Variants in RBMS2 observed in about 807,000 individuals in gnomAD.
The protein encoded by RBMS2 is RNA binding motif single stranded interacting protein 2.
Under a neutral mutation model 58.4 loss-of-function variants are expected in RBMS2, and 38 were observed. That is an observed-to-expected ratio of 0.65 (90% CI 0.50 to 0.85). RBMS2 has a LOEUF of 0.85. Ranked by LOEUF, RBMS2 falls within the 40% of genes least tolerant of loss-of-function variation. The pLI is 0.00. For missense variants in RBMS2, 367 were observed against 503.7 expected (o/e 0.73, Z 2.60); for synonymous variants, 151 against 180.7 (o/e 0.84, Z 1.32).
intron 1 of RBMS2, among the ~76,000 whole-genome samples, chr12:56,535,664 T>A (rs1874655260): frequency 6.6e-6 from 1 of 152,080 alleles, no homozygotes; most frequent in Non-Finnish European, 1.5e-5. Flanking sequence ...TTATTAGACA[T>A]TTCAAACTTA....
chr12:56,558,333 AC>A (rs760303025), intron 1 of RBMS2, among the ~76,000 whole-genome samples: 30 of 147,494 alleles, frequency 2.0e-4, no homozygotes, highest in Admixed American at 2.8e-4. Context: ...GGCGTGAGCC[AC>A]CAGCTGCCTC....
chr12:56,565,173 T>C (rs971052793), intron 2 of RBMS2, among the ~76,000 whole-genome samples: 4 of 152,144 alleles, frequency 2.6e-5, no homozygotes, highest in Admixed American at 6.6e-5. Context: ...TAGGGAATAA[T>C]GACAAGAAAA....
At chr12:56,557,057 A>T (rs969605713) in intron 1 of RBMS2, among the ~76,000 whole-genome samples, 1 of 152,002 alleles carries the variant, frequency 6.6e-6, no homozygotes, top group African/African-American at 2.4e-5. Flanking sequence ...CTCTCTATCA[A>T]TTTGGAAATA....
intron 1 of RBMS2, among the ~76,000 whole-genome samples, chr12:56,545,267 G>C (rs1478585588): frequency 6.6e-6 from 1 of 152,132 alleles, no homozygotes; most frequent in Non-Finnish European, 1.5e-5. Flanking sequence ...TGGCTGAGTA[G>C]TATTCCATGG....
intron 1 of RBMS2, among the ~76,000 whole-genome samples, chr12:56,552,725 C>T (rs1194502494): frequency 6.6e-6 from 1 of 151,676 alleles, no homozygotes; most frequent in Non-Finnish European, 1.5e-5. Flanking sequence ...GCCTGTAGTC[C>T]CAGCTACTCG....
In RBMS2 at chr12:56,596,000, T is replaced by G. The variant is rs1885769964; in HGVS notation, c.*6867T>G. ...TTTCTACAGCTGCACTTGTGGAACA[T>G]CACATGGCAAAAACAGGAGTTTTTT... On this transcript the variant is annotated 3_prime_UTR_variant, in exon 14 of 14. Coordinates refer to ENST00000262031, the MANE Select transcript of RBMS2 (RefSeq NM_002898.4). 1 of 152,716 alleles carries G rather than the reference T, an allele frequency of 6.5e-6. No individual in the cohort carries two copies. The highest frequency in any genetic ancestry group is 6.5e-5 in the Admixed American group (1 of 15,284). The allele number at this position is 152,716 out of a possible 1,614,324, so 9.5% of individuals were successfully genotyped here. A position where few individuals can be genotyped will look rare whatever the true frequency, so the allele number is the denominator to read the frequency against.
rs553574694 is a variant in RBMS2, at chr12:56,596,147, A to G, written c.*7014A>G. The G allele has an allele frequency of 2.0e-5, 3 of 152,732 alleles. No homozygotes were observed. Among genetic ancestry groups the G allele is most frequent in the Non-Finnish European group, 4.4e-5 (3 of 68,054 alleles). The allele number at this position is 152,732 out of a possible 1,614,324, so 9.5% of individuals were successfully genotyped here. A position where few individuals can be genotyped will look rare whatever the true frequency, so the allele number is the denominator to read the frequency against. ...TATCAAAAAGTCACTAAAACACCAC[A>G]TTTGGTTATATAAAAAGTCCCTTTT... On this transcript the variant is annotated 3_prime_UTR_variant, in exon 14 of 14. Transcript: ENST00000262031.
chr12:56,565,648 C>T (rs1881215774), intron 2 of RBMS2, among the ~76,000 whole-genome samples: 1 of 152,116 alleles, frequency 6.6e-6, no homozygotes, highest in Admixed American at 6.5e-5. Flanking sequence ...GACTAGGAGG[C>T]TGAGCAGAGC....
chr12:56,574,533 C>A (rs1250426685), intron 5 of RBMS2, among the ~76,000 whole-genome samples: 1 of 152,166 alleles, frequency 6.6e-6, no homozygotes, highest in Admixed American at 6.5e-5. Flanking sequence ...ACACATTCTC[C>A]AACAGATATT....
chr12:56,547,437 A>G (rs769827532), intron 1 of RBMS2, among the ~76,000 whole-genome samples: 2 of 152,072 alleles, frequency 1.3e-5, no homozygotes, highest in Non-Finnish European at 2.9e-5. Context: ...TGGGAGGCCA[A>G]AGTAGGAGGA....
intron 1 of RBMS2, among the ~76,000 whole-genome samples, chr12:56,536,200 CAAAAAA>C (rs71446560): frequency 0.038 from 2,922 of 76,268 alleles, 59 homozygotes; most frequent in East Asian, 0.044. Flanking sequence ...AACTCTGTCT[CAAAAAA>C]AAAAAAAAAA....
Position 56,569,885 on chromosome 12 carries a change from T to C in RBMS2, c.293-14T>C, listed in dbSNP as rs1440496536. 6.2e-7 allele frequency: 1 copy of C among 1,602,132 alleles called. No individual in the cohort carries two copies. The highest frequency in any genetic ancestry group is 2.2e-5 in the East Asian group (1 of 44,816). ...ACCTCCCACTTCCTAGTGATGCTGTTTCCTCTGTTCCAGGCTATGGCTTTG... is the reference window on the plus strand; with the variant it reads ...ACCTCCCACTTCCTAGTGATGCTGTCTCCTCTGTTCCAGGCTATGGCTTTG... On this transcript the variant is annotated splice_polypyrimidine_tract_variant and intron_variant, in intron 3 of 13. Transcript: ENST00000262031.
chr12:56,589,266 C>G lies in RBMS2; in HGVS notation c.*133C>G. 6.9e-7 allele frequency: 1 copy of G among 1,441,890 alleles called. No homozygotes were observed. Among genetic ancestry groups the G allele is most frequent in the Non-Finnish European group, 9.2e-7 (1 of 1,087,306 alleles). The allele number at this position is 1,441,890 out of a possible 1,614,324, so 89.3% of individuals were successfully genotyped here. A position where few individuals can be genotyped will look rare whatever the true frequency, so the allele number is the denominator to read the frequency against. ...CTGCTAAGGACTAACACTTAGCCAT[C>G]GTTTTTCACAGGCCTGGGCCTGGAA... On this transcript the variant is annotated 3_prime_UTR_variant, in exon 14 of 14. Transcript: ENST00000262031.
At chr12:56,523,445 C>T (rs1180016302) in intron 1 of RBMS2, among the ~76,000 whole-genome samples, 2 of 152,158 alleles carry the variant, frequency 1.3e-5, no homozygotes, top group Admixed American at 1.3e-4. Context: ...TATCCCGTAA[C>T]ATGTTGTATA....
At chr12:56,539,516 G>A (rs1017894285) in intron 1 of RBMS2, among the ~76,000 whole-genome samples, 3 of 151,964 alleles carry the variant, frequency 2.0e-5, no homozygotes, top group Non-Finnish European at 4.4e-5. Context: ...ATATTATTAT[G>A]ATTTTATAAG....
intron 1 of RBMS2, among the ~76,000 whole-genome samples, chr12:56,533,817 A>G (rs913084879): frequency 6.6e-6 from 1 of 152,126 alleles, no homozygotes; most frequent in Non-Finnish European, 1.5e-5. Context: ...TTTCCCAAAA[A>G]ACATAGTTTT....
At chr12:56,543,826 C>T (rs1391455257) in intron 1 of RBMS2, among the ~76,000 whole-genome samples, 1 of 151,174 alleles carries the variant, frequency 6.6e-6, no homozygotes, top group Non-Finnish European at 1.5e-5. Context: ...CGCCACCACG[C>T]CTGGCTAATT....
At chr12:56,553,826 G>GTT (rs200492614) in intron 1 of RBMS2, among the ~76,000 whole-genome samples, 25 of 136,256 alleles carry the variant, frequency 1.8e-4, no homozygotes, top group Non-Finnish European at 3.0e-4. Context: ...TAATTTCTTT[G>GTT]TTTTTTTTTT....
At chr12:56,524,573 C>T (rs940521181) in intron 1 of RBMS2, among the ~76,000 whole-genome samples, 5 of 151,768 alleles carry the variant, frequency 3.3e-5, no homozygotes, top group African/African-American at 7.3e-5. Context: ...CCACCACACC[C>T]GGACAATTTT....
Sources: allele counts gnomAD v4.1 joint callset (sites outside exome capture counted in the v4.1 genomes callset), GRCh38; gene constraint gnomAD v4.1.1; transcripts MANE v1.5; gene names NCBI Gene and HGNC (gene_info 2026-07-23, HGNC 2026-07-21).